The following SEPTIN7 variants were observed in gnomAD, a reference collection of about 807,000 sequenced individuals.
SEPTIN7 encodes septin-7.
SEPTIN7 carries 10 observed loss-of-function variants against 63.3 expected under a neutral mutation model. The observed-to-expected ratio is 0.16, with a 90% CI of 0.10 to 0.27. SEPTIN7 has a LOEUF of 0.27. Among genes scored for constraint, SEPTIN7 ranks in the 10% least tolerant of loss-of-function variants. The pLI is 1.00. For synonymous variants in SEPTIN7, 131 were observed against 165.3 expected (o/e 0.79, Z 1.59); for missense variants, 310 against 521.0 (o/e 0.59, Z 3.94).
rs1788603751 is a variant in SEPTIN7, at chr7:35,906,255, T to G, written c.*1962T>G. 6.6e-6 allele frequency: 1 copy of G among 152,236 alleles called. No homozygotes were observed. Among genetic ancestry groups the G allele is most frequent in the Non-Finnish European group, 1.5e-5 (1 of 68,030 alleles). 9.4% of individuals were successfully genotyped at this position (152,236 alleles called of 1,614,324 possible). A position where few individuals can be genotyped will look rare whatever the true frequency, so the allele number is the denominator to read the frequency against. On this transcript the variant is annotated 3_prime_UTR_variant, in exon 14 of 14. Coordinates refer to ENST00000350320, the MANE Select transcript of SEPTIN7 (RefSeq NM_001788.6). ...GACATTCATTATTCTACCATCCTAA[T>G]GAAAACTTTCAGAAGTCTTTCTTTA... is the stretch of plus-strand genomic sequence containing the variant.
chr7:35,892,357 T>C (rs749360617), intron 11 of SEPTIN7, among the ~76,000 whole-genome samples: 39 of 152,134 alleles, frequency 2.6e-4, no homozygotes, highest in Non-Finnish European at 4.6e-4. Context: ...AGCAAAATGT[T>C]TATTGAGTAA....
chr7:35,822,633 G>T (rs987654795), intron 1 of SEPTIN7, among the ~76,000 whole-genome samples: 2 of 152,164 alleles, frequency 1.3e-5, no homozygotes, highest in African/African-American at 4.8e-5. Context: ...CTCTTGTGCG[G>T]CCCAGTTCCT....
downstream of SEPTIN7, among the ~76,000 whole-genome samples, chr7:35,911,293 A>C (rs1193688050): frequency 6.6e-6 from 1 of 152,204 alleles, no homozygotes; most frequent in Non-Finnish European, 1.5e-5. Context: ...CATATTTATC[A>C]ATCTTGGCTG....
intron 11 of SEPTIN7, among the ~76,000 whole-genome samples, chr7:35,894,171 C>T (rs1787823470): frequency 6.8e-6 from 1 of 146,526 alleles, no homozygotes; most frequent in Non-Finnish European, 1.5e-5. Flanking sequence ...GTTTTGTCTG[C>T]CTCCTTTTTC....
intron 3 of SEPTIN7, among the ~76,000 whole-genome samples, chr7:35,842,933 T>C (rs1784480228): frequency 6.6e-6 from 1 of 152,110 alleles, no homozygotes; most frequent in Non-Finnish European, 1.5e-5. Flanking sequence ...CACACATTTA[T>C]ATATATATGT....
chr7:35,880,226 T>TC (rs952765341), intron 7 of SEPTIN7, among the ~76,000 whole-genome samples: 2 of 138,602 alleles, frequency 1.4e-5, no homozygotes, highest in African/African-American at 5.3e-5. Context: ...TTCTTTTCTT[T>TC]TTTTTTTTTT....
chr7:35,832,194 T>C (rs1783866039), intron 2 of SEPTIN7: 2 of 427,716 alleles, frequency 4.7e-6, no homozygotes. Flanking sequence ...ATAAAGGCAG[T>C]AGGATCATGT....
intron 11 of SEPTIN7, among the ~76,000 whole-genome samples, chr7:35,893,961 TC>T (rs775782722): frequency 2.0e-5 from 3 of 152,214 alleles, no homozygotes; most frequent in Non-Finnish European, 4.4e-5. Context: ...ACTTCTTGCA[TC>T]CCTGTATGGA....
chr7:35,847,028 C>A, intron 3 of SEPTIN7: 1 of 162,030 alleles, frequency 6.2e-6, no homozygotes, highest in South Asian at 1.8e-4. Flanking sequence ...TGCCAGTGCT[C>A]CAGCTGCTCA....
chr7:35,823,514 C>T lies in SEPTIN7; in HGVS notation c.62-7978C>T, dbSNP rs191484741. Among the ~76,000 whole-genome samples, 25 of 152,210 alleles carry T rather than the reference C, an allele frequency of 1.6e-4. No individual in the cohort carries two copies. The East Asian group carries it at 4.6e-3, about 28-fold the overall frequency. ...CCGTGCCCAGCAACTTATTTTTTTA[C>T]TGTCTTCTTTACTTCCTGCCTTCCA... On this transcript the variant is annotated intron_variant, in intron 1 of 13. Coordinates refer to ENST00000350320, the MANE Select transcript of SEPTIN7 (RefSeq NM_001788.6).
Position 35,890,146 on chromosome 7 carries a change from T to C in SEPTIN7, c.873-522T>C, listed in dbSNP as rs1045333024. Among the ~76,000 whole-genome samples the C allele has an allele frequency of 3.9e-5, 6 of 152,338 alleles. No homozygotes were observed. The East Asian group carries it at 1.2e-3, about 29-fold the overall frequency. ...GAAATGCTGTAAGCAAAAATTTGTT[T>C]AACCGAAATACCACTTTCACTAGAC... On this transcript the variant is annotated intron_variant, in intron 10 of 13. Transcript: ENST00000350320.
At chr7:35,895,493 A>G (rs993077292) in intron 11 of SEPTIN7, among the ~76,000 whole-genome samples, 6 of 152,238 alleles carry the variant, frequency 3.9e-5, no homozygotes, top group Non-Finnish European at 8.8e-5. Context: ...TTCTTTTAGA[A>G]ACACACATTT....
chr7:35,877,660 A>G (rs1018908229), intron 6 of SEPTIN7, among the ~76,000 whole-genome samples: 13 of 152,210 alleles, frequency 8.5e-5, no homozygotes, highest in African/African-American at 3.1e-4. Context: ...TTAGTCCACA[A>G]TATATTCCAG....
chr7:35,872,275 C>T (rs780436124), intron 4 of SEPTIN7, among the ~76,000 whole-genome samples: 1 of 152,130 alleles, frequency 6.6e-6, no homozygotes, highest in Non-Finnish European at 1.5e-5. Context: ...TGATTAATTA[C>T]ATTTGAACTC....
intron 1 of SEPTIN7, among the ~76,000 whole-genome samples, chr7:35,822,086 T>C (rs1485615665): frequency 6.6e-6 from 1 of 151,748 alleles, no homozygotes; most frequent in Non-Finnish European, 1.5e-5. Context: ...CATTTTATTT[T>C]TTTAACTTTT....
chr7:35,903,883 G>A (rs1788470343), intron 13 of SEPTIN7, among the ~76,000 whole-genome samples: 1 of 152,156 alleles, frequency 6.6e-6, no homozygotes, highest in Non-Finnish European at 1.5e-5. Context: ...ATAGATTTGT[G>A]AAAGCAATTG....
At chr7:35,831,255 A>G (rs1350011865) in intron 1 of SEPTIN7, 1 of 190,528 alleles carries the variant, frequency 5.2e-6, no homozygotes, top group Non-Finnish European at 1.1e-5. Flanking sequence ...TATTACTTTG[A>G]CATGTTTAGA....
intron 3 of SEPTIN7, among the ~76,000 whole-genome samples, chr7:35,843,315 C>A (rs921933780): frequency 2.6e-5 from 4 of 152,184 alleles, no homozygotes; most frequent in African/African-American, 7.2e-5. Context: ...CTATTTAACT[C>A]AGACATCTCA....
At chr7:35,885,949 T>C in intron 10 of SEPTIN7, 70 bp downstream of exon 10, 1 of 1,072,338 alleles carries the variant, frequency 9.3e-7, no homozygotes, top group Non-Finnish European at 1.4e-6. Flanking sequence ...CAGATTTACT[T>C]TTTGCCTTCT....
Sources: allele counts gnomAD v4.1 joint callset (sites outside exome capture counted in the v4.1 genomes callset), GRCh38; gene constraint gnomAD v4.1.1; transcripts MANE v1.5; gene names NCBI Gene and HGNC (gene_info 2026-07-23, HGNC 2026-07-21).